Variants in DDX60L observed in about 807,000 individuals in gnomAD.
DDX60L encodes DExD/H-box 60 like.
Under a neutral mutation model 211.6 loss-of-function variants are expected in DDX60L, and 191 were observed. The ratio of observed to expected loss-of-function variants is 0.90; its 90% CI spans 0.80 to 1.02. The LOEUF is 1.02. Ranked by LOEUF, DDX60L falls within the 50% of genes least tolerant of loss-of-function variation. DDX60L has a pLI of 0.00. For missense variants in DDX60L, 2,007 were observed against 1,984.1 expected (o/e 1.01, Z -0.22); for synonymous variants, 706 against 694.1 (o/e 1.02, Z -0.27).
Position 168,406,028 on chromosome 4 carries a change from C to G in DDX60L, c.3135G>C (p.Lys1045Asn), listed in dbSNP as rs778931211. The G allele has an allele frequency of 3.9e-5, 63 of 1,602,866 alleles. No individual in the cohort carries two copies. Among genetic ancestry groups the G allele is most frequent in the Middle Eastern group, 1.7e-4 (1 of 6,048 alleles). The change falls in exon 24 of 38, where the codon AAG becomes AAC. Residue 1045 changes from lysine (K) to asparagine (N), a missense_variant. Transcript: ENST00000682922. ...CTTCATATTTTCTAGCATCCAACTTCTTAATGACTATCTTATTCTTAAAAA... is the reference window on the plus strand; with the variant it reads ...CTTCATATTTTCTAGCATCCAACTTGTTAATGACTATCTTATTCTTAAAAA... The part of the protein sequence containing the change: ...FILFKNKIVI[K>N]KLDARKYEEN...
chr4:168,415,042 T>A (rs1482082783), intron 22 of DDX60L, among the ~76,000 whole-genome samples: 5 of 151,966 alleles, frequency 3.3e-5, no homozygotes, highest in African/African-American at 1.2e-4. Context: ...GATACATACC[T>A]CATTTAGTCT....
chr4:168,371,052 T>C (rs551059255), intron 36 of DDX60L, among the ~76,000 whole-genome samples: 1 of 138,520 alleles, frequency 7.2e-6, no homozygotes, highest in Admixed American at 7.7e-5. Context: ...GGGAAAAAAA[T>C]AAATATTAAT....
At chr4:168,377,334 AT>A (rs1443890974) in intron 33 of DDX60L, among the ~76,000 whole-genome samples, 31 of 122,778 alleles carry the variant, frequency 2.5e-4, no homozygotes, top group South Asian at 7.2e-4. Flanking sequence ...AAATAAATAA[AT>A]AAATAAAAAT....
chr4:168,364,683 T>C (rs1005493350), intron 36 of DDX60L, among the ~76,000 whole-genome samples: 1 of 152,196 alleles, frequency 6.6e-6, no homozygotes, highest in African/African-American at 2.4e-5. Context: ...GCCTGGCTGA[T>C]ATTTTTTACA....
At chr4:168,425,273 C>A (rs562618750) in intron 14 of DDX60L, among the ~76,000 whole-genome samples, 1 of 152,280 alleles carries the variant, frequency 6.6e-6, no homozygotes, top group East Asian at 1.9e-4. Context: ...TATGCTAAAG[C>A]TTAGAGATGA....
chr4:168,475,327 C>T (rs1759326358), intron 1 of DDX60L, among the ~76,000 whole-genome samples: 1 of 152,194 alleles, frequency 6.6e-6, no homozygotes, highest in Non-Finnish European at 1.5e-5. Context: ...AATGCTCTGA[C>T]ATATGACCAA....
chr4:168,469,874 T>C (rs964555356), intron 4 of DDX60L: 2 of 152,118 alleles, frequency 1.3e-5, no homozygotes, highest in African/African-American at 4.8e-5. Flanking sequence ...CGAGACTCTG[T>C]CTCAAAATGA....
At chr4:168,462,674 G>T (rs180853299) in intron 4 of DDX60L, among the ~76,000 whole-genome samples, 1 of 152,032 alleles carries the variant, frequency 6.6e-6, no homozygotes, top group African/African-American at 2.4e-5. Context: ...TTAGCTGGGC[G>T]CAGTGGTGGG....
intron 29 of DDX60L, chr4:168,390,033 T>G (rs1451778728): frequency 1.9e-6 from 1 of 514,892 alleles, no homozygotes; most frequent in Non-Finnish European, 2.5e-6. Context: ...TGTTGAGGGA[T>G]GTAAGTGCAA....
At position 168,432,921 on chromosome 4, in the gene DDX60L, T is replaced by C. The variant is rs1752562078; in HGVS notation, c.1400+89A>G. 6.7e-6 allele frequency: 5 copies of C among 747,098 alleles called. No homozygotes were observed. The East Asian group carries it at 1.4e-4, about 21-fold the overall frequency. The allele number at this position is 747,098 out of a possible 1,614,324, so 46.3% of individuals were successfully genotyped here. A position where few individuals can be genotyped will look rare whatever the true frequency, so the allele number is the denominator to read the frequency against. Reference sequence around the variant, plus strand: ...TAGAATTTACCATATCCTGATATGATATATTACATAGACATTTTGATGAGT... The same window carrying C: ...TAGAATTTACCATATCCTGATATGACATATTACATAGACATTTTGATGAGT... On this transcript the variant is annotated intron_variant, in intron 11 of 37. Coordinates refer to ENST00000682922, the MANE Select transcript of DDX60L (RefSeq NM_001012967.3).
At chr4:168,450,780 G>A (rs1415161699) in intron 8 of DDX60L, among the ~76,000 whole-genome samples, 1 of 152,110 alleles carries the variant, frequency 6.6e-6, no homozygotes, top group African/African-American at 2.4e-5. Flanking sequence ...AGGCATGGTG[G>A]CGTATAGTCC....
chr4:168,436,295 ATAGTTACCTTCCC>A (rs1240072548), intron 10 of DDX60L, among the ~76,000 whole-genome samples: 3 of 152,234 alleles, frequency 2.0e-5, no homozygotes, highest in Non-Finnish European at 4.4e-5. Context: ...TACTCTGGAT[ATAGTTACCTTCCC>A]TGCATGCAAT....
chr4:168,420,310 A>G lies in DDX60L; in HGVS notation c.2465T>C (p.Leu822Pro), dbSNP rs760622289. 6.2e-7 allele frequency: 1 copy of G among 1,611,662 alleles called. No individual in the cohort carries two copies. The highest frequency in any genetic ancestry group is 1.7e-5 in the Admixed American group (1 of 59,408). ...FTKTLPAGRT[L>P]CGAFTRDYCH... ...ATAATCTCTTGTAAAAGCACCGCATAGAGTTCTGCCGGCAGGCAACGTTTT... is the reference window on the plus strand; with the variant it reads ...ATAATCTCTTGTAAAAGCACCGCATGGAGTTCTGCCGGCAGGCAACGTTTT... Residue 822 changes from leucine (L) to proline (P), a missense_variant, in exon 18 of 38, where the codon CTA becomes CCA. Transcript: ENST00000682922.
chr4:168,387,075 CAGG>C (rs2149706204), intron 29 of DDX60L, among the ~76,000 whole-genome samples: 1 of 152,286 alleles, frequency 6.6e-6, no homozygotes, highest in African/African-American at 2.4e-5. Context: ...AAATCATAAC[CAGG>C]AGGACTGTTA....
At chr4:168,435,037 G>A (rs1314971725) in intron 10 of DDX60L, among the ~76,000 whole-genome samples, 1 of 152,156 alleles carries the variant, frequency 6.6e-6, no homozygotes, top group Non-Finnish European at 1.5e-5. Flanking sequence ...GGGATTACTG[G>A]ATACTGATTC....
Position 168,394,469 on chromosome 4 carries a change from A to G in DDX60L, c.3806T>C (p.Ile1269Thr), listed in dbSNP as rs753821677. 1 of 1,602,796 alleles carries G rather than the reference A, an allele frequency of 6.2e-7. No homozygotes were observed. The highest frequency in any genetic ancestry group is 8.5e-7 in the Non-Finnish European group (1 of 1,176,414). ...AATGCAAAGAAATTTACCTACCCTA[A>G]TAAGCCCTTTTACAAAGAGTATCTC... ...FVEILFVKGL[I>T]RVVTATETLA... Residue 1269 changes from isoleucine (I) to threonine (T), a missense_variant, in exon 28 of 38, where the codon ATT becomes ACT. By Grantham distance (89) the Ile-to-Thr change is moderately conservative. Coordinates refer to ENST00000682922, the MANE Select transcript of DDX60L (RefSeq NM_001012967.3).
chr4:168,410,978 C>T (rs1748578668), intron 22 of DDX60L, among the ~76,000 whole-genome samples: 1 of 152,148 alleles, frequency 6.6e-6, no homozygotes, highest in South Asian at 2.1e-4. Flanking sequence ...ATAAACTAAC[C>T]AAAGAACCCG....
rs528819333 is a variant in DDX60L at position 168,471,761 on chromosome 4, T to C, written c.250A>G (p.Ile84Val). ...TCATATATTACCTTAAAGAAAACTA[T>C]GGTGAATTGTCCTCCGTTACTCAGA... ...DLLSNGGQFT[I>V]VFFKDAEYAY... Residue 84 changes from isoleucine to valine, a missense_variant, in exon 4 of 38, where the codon ATA becomes GTA. Coordinates refer to ENST00000682922, the MANE Select transcript of DDX60L (RefSeq NM_001012967.3). 9.4e-6 allele frequency: 15 copies of C among 1,594,688 alleles called. No individual in the cohort carries two copies. In the African/African-American group the frequency reaches 1.6e-4, roughly 17 times the overall value.
At chr4:168,363,900 CA>C (rs1224225170) in intron 36 of DDX60L, among the ~76,000 whole-genome samples, 1 of 152,112 alleles carries the variant, frequency 6.6e-6, no homozygotes, top group Non-Finnish European at 1.5e-5. Context: ...TTAAAAGATA[CA>C]GAGTGAATGG....
Sources: gnomAD v4.1 joint callset for allele counts (sites outside exome capture counted in the v4.1 genomes callset) on GRCh38, gnomAD v4.1.1 for gene constraint, MANE v1.5 for transcripts, NCBI Gene and HGNC (gene_info 2026-07-23, HGNC 2026-07-21) for gene names.